Variants in PDE4D observed in about 807,000 individuals in gnomAD.
PDE4D encodes the protein phosphodiesterase 4D.
A neutral mutation model predicts 87.4 loss-of-function variants in PDE4D; 24 were observed. The observed-to-expected ratio is 0.27, with a 90% CI of 0.20 to 0.39. The LOEUF (loss-of-function observed/expected upper bound fraction) is 0.39, where lower values mean the gene tolerates loss of function less well. Among genes scored for constraint, PDE4D ranks in the 10% least tolerant of loss-of-function variants. The probability of loss-of-function intolerance (pLI) is 1.00; values close to 1 mark genes in which losing one functional copy is unlikely to be tolerated. For missense variants in PDE4D, 714 were observed against 1,041.0 expected, an observed-to-expected ratio of 0.69 and a Z score of 4.32; for synonymous variants, 384 against 383.2, an observed-to-expected ratio of 1.00 and a Z score of -0.02.
chr5:59,038,737 G>T, intron 6 of PDE4D, 122 bp downstream of exon 6: 1 of 920,422 alleles, frequency 1.1e-6, no homozygotes, highest in Non-Finnish European at 1.6e-6. Flanking sequence ...GAGCAGAATA[G>T]CCAACATGCA....
At chr5:59,971,382 A>AT (rs56736794) in intron 3 of PDE4D, among the ~76,000 whole-genome samples, 7 of 150,512 alleles carry the variant, frequency 4.7e-5, no homozygotes, top group South Asian at 2.1e-4. Flanking sequence ...AAATAAATAA[A>AT]AAAGAGAGAG....
intron 1 of PDE4D, among the ~76,000 whole-genome samples, chr5:59,315,420 T>A (rs1192145895): frequency 6.6e-6 from 1 of 152,138 alleles, no homozygotes; most frequent in Non-Finnish European, 1.5e-5. Flanking sequence ...CACAGAGGAC[T>A]GACCTTCATC....
At chr5:59,632,844 A>G (rs1183435283) in intron 1 of PDE4D, among the ~76,000 whole-genome samples, 1 of 152,106 alleles carries the variant, frequency 6.6e-6, no homozygotes, top group African/African-American at 2.4e-5. Flanking sequence ...AAGGATCACA[A>G]CTCCTCGCCA....
chr5:59,423,212 A>G lies in PDE4D; in HGVS notation c.456-207244T>C, dbSNP rs148962949. On this transcript the variant is annotated intron_variant, in intron 1 of 14. Transcript: ENST00000340635. ...GTGGTTCTCAGCAGAGTATGTTGTT[A>G]CTCATCCTCAGGCCTCATCATCCCC... 1.0e-3 allele frequency among the ~76,000 whole-genome samples: 157 copies of G among 152,286 alleles called. 3 individuals carry two copies. In the East Asian group the frequency reaches 0.028, roughly 27 times the overall value.
chr5:59,222,044 T>C (rs1023905614), intron 1 of PDE4D, among the ~76,000 whole-genome samples: 10 of 152,168 alleles, frequency 6.6e-5, no homozygotes, highest in Non-Finnish European at 1.3e-4. Context: ...GCACTACTCA[T>C]GACCATTTAC....
At chr5:60,253,061 T>C (rs926684439) in intron 1 of PDE4D, among the ~76,000 whole-genome samples, 1 of 151,842 alleles carries the variant, frequency 6.6e-6, no homozygotes, top group Non-Finnish European at 1.5e-5. Flanking sequence ...CTATTAGTTA[T>C]GGACAGCACA....
At chr5:60,328,915 T>C (rs1296234307) in intron 1 of PDE4D, among the ~76,000 whole-genome samples, 1 of 152,184 alleles carries the variant, frequency 6.6e-6, no homozygotes, top group African/African-American at 2.4e-5. Context: ...AAAAGAAACA[T>C]TCTTTGATGG....
intron 5 of PDE4D, among the ~76,000 whole-genome samples, chr5:59,048,348 A>C (rs1250387515): frequency 6.6e-6 from 1 of 152,224 alleles, no homozygotes; most frequent in Non-Finnish European, 1.5e-5. Flanking sequence ...ATATACTATC[A>C]ATCTTAGGAT....
intron 1 of PDE4D, among the ~76,000 whole-genome samples, chr5:60,224,211 G>A (rs140976033): frequency 3.7e-4 from 57 of 152,166 alleles, no homozygotes; most frequent in African/African-American, 1.3e-3. Flanking sequence ...GTTCCCAAGT[G>A]TTCCCTTGGG....
rs551968933 is a variant in PDE4D at position 60,399,086 on chromosome 5, T to C, written c.-90+88856A>G. On this transcript the variant is annotated intron_variant, in intron 1 of 16. Coordinates refer to the PDE4D transcript ENST00000502484. ...CAACATCTAAGCCCCACTTAAATAA[T>C]TGCTTTTTATTTCCTTTCATCTGAT... Among the ~76,000 whole-genome samples the C allele has an allele frequency of 8.1e-4, 123 of 152,342 alleles. 1 individual carries two copies. The highest frequency in any genetic ancestry group is 2.8e-3 in the African/African-American group (118 of 41,588).
intron 5 of PDE4D, among the ~76,000 whole-genome samples, chr5:59,073,112 AT>A (rs1765113385): frequency 6.6e-6 from 1 of 152,236 alleles, no homozygotes; most frequent in African/African-American, 2.4e-5. Context: ...AACAAACTTT[AT>A]TGAACAGTTG....
intron 1 of PDE4D, among the ~76,000 whole-genome samples, chr5:59,395,200 C>A (rs552254039): frequency 6.6e-6 from 1 of 151,908 alleles, no homozygotes; most frequent in South Asian, 2.1e-4. Context: ...ACAAAGCAGC[C>A]GGGAAGCTCC....
intron 2 of PDE4D, among the ~76,000 whole-genome samples, chr5:60,108,715 A>T (rs1328164071): frequency 6.6e-6 from 1 of 152,124 alleles, no homozygotes; most frequent in Non-Finnish European, 1.5e-5. Flanking sequence ...ACATATCTAC[A>T]ACTATCTGAT....
At chr5:59,215,162 C>A (rs949783066) in intron 2 of PDE4D, among the ~76,000 whole-genome samples, 1 of 152,172 alleles carries the variant, frequency 6.6e-6, no homozygotes, top group South Asian at 2.1e-4. Flanking sequence ...TGCAAACCTG[C>A]TTGTCAGTTT....
At chr5:59,378,770 T>G (rs1359106359) in intron 1 of PDE4D, among the ~76,000 whole-genome samples, 3 of 152,118 alleles carry the variant, frequency 2.0e-5, no homozygotes, top group African/African-American at 7.2e-5. Context: ...CCCATATTAT[T>G]TATGAGATTT....
chr5:59,070,246 A>G (rs1430952870), intron 5 of PDE4D, among the ~76,000 whole-genome samples: 2 of 152,180 alleles, frequency 1.3e-5, no homozygotes, highest in African/African-American at 4.8e-5. Context: ...CAATTTTTAA[A>G]TTTAAATGTT....
At chr5:59,754,336 T>C (rs116363729) in intron 1 of PDE4D, among the ~76,000 whole-genome samples, 3,440 of 152,114 alleles carry the variant, frequency 0.023, 104 homozygotes, top group African/African-American at 0.068. Flanking sequence ...TAAAAAGATG[T>C]CCCTTTAAGA....
At chr5:59,132,171 C>A (rs527328249) in intron 5 of PDE4D, among the ~76,000 whole-genome samples, 92 of 152,130 alleles carry the variant, frequency 6.0e-4, no homozygotes, top group African/African-American at 2.2e-3. Context: ...ATAATAATGG[C>A]CCTGGTACAC....
chr5:60,070,787 C>T (rs1772629865), intron 2 of PDE4D, among the ~76,000 whole-genome samples: 1 of 151,994 alleles, frequency 6.6e-6, no homozygotes, highest in Non-Finnish European at 1.5e-5. Flanking sequence ...GTTAGAATTT[C>T]ACCAGTGAAG....
Sources: allele counts gnomAD v4.1 joint callset (sites outside exome capture counted in the v4.1 genomes callset), GRCh38; gene constraint gnomAD v4.1.1; transcripts MANE v1.5; gene names NCBI Gene and HGNC (gene_info 2026-07-23, HGNC 2026-07-21).